Variants in PLEKHA1 observed in about 807,000 individuals in gnomAD.
PLEKHA1 encodes pleckstrin homology domain-containing family A member 1.
PLEKHA1 carries 34 observed loss-of-function variants against 52.0 expected under a neutral mutation model. The observed-to-expected ratio is 0.65, with a 90% CI of 0.50 to 0.87. PLEKHA1 has a LOEUF of 0.87. PLEKHA1 is among the 40% of genes least tolerant of loss of function. The pLI is 0.00. For missense variants in PLEKHA1, 497 were observed against 504.2 expected (o/e 0.99, Z 0.14); for synonymous variants, 163 against 170.7 (o/e 0.95, Z 0.35).
chr10:122,420,988 A>G (rs1374541440), intron 8 of PLEKHA1: 3 of 152,238 alleles, frequency 2.0e-5, no homozygotes, highest in African/African-American at 4.8e-5. Flanking sequence ...TGTCAGAGAA[A>G]CAATACTTTT....
chr10:122,385,853 G>C lies in PLEKHA1; in HGVS notation c.-20-7328G>C, dbSNP rs528315997. Among the ~76,000 whole-genome samples, 46 of 152,258 alleles carry C rather than the reference G, an allele frequency of 3.0e-4. No homozygotes were observed. The Middle Eastern group carries it at 0.01, about 34-fold the overall frequency. On this transcript the variant is annotated intron_variant, in intron 1 of 11. Coordinates refer to ENST00000368990, the MANE Select transcript of PLEKHA1 (RefSeq NM_001001974.4). ...TGCCAAGTAATATTTTATTGTATTG[G>C]ATGCACCACATTTTGTTTATTCGTA...
intron 1 of PLEKHA1, among the ~76,000 whole-genome samples, chr10:122,391,989 T>G (rs770761549): frequency 6.6e-6 from 1 of 152,190 alleles, no homozygotes; most frequent in African/African-American, 2.4e-5. Flanking sequence ...TAAATAGTTA[T>G]GTAAATTCAT....
chr10:122,375,116 C>T (rs1456420851), intron 1 of PLEKHA1, among the ~76,000 whole-genome samples: 1 of 151,606 alleles, frequency 6.6e-6, no homozygotes, highest in Non-Finnish European at 1.5e-5. Flanking sequence ...CGACGTCAGC[C>T]CTCAGCGGCG....
intron 4 of PLEKHA1, among the ~76,000 whole-genome samples, chr10:122,403,969 G>A (rs2096968324): frequency 1.3e-5 from 2 of 152,192 alleles, no homozygotes; most frequent in Admixed American, 1.3e-4. Flanking sequence ...TGGGATTACA[G>A]GCGTGAGCCA....
intron 5 of PLEKHA1, among the ~76,000 whole-genome samples, chr10:122,409,750 G>C (rs1288771871): frequency 1.3e-5 from 2 of 151,486 alleles, no homozygotes; most frequent in African/African-American, 2.4e-5. Flanking sequence ...TCAGTGAATT[G>C]AACATTATGA....
At chr10:122,389,025 ACTT>A (rs1292283797) in intron 1 of PLEKHA1, among the ~76,000 whole-genome samples, 1 of 152,156 alleles carries the variant, frequency 6.6e-6, no homozygotes, top group Non-Finnish European at 1.5e-5. Context: ...GTTGGAATCA[ACTT>A]CTTTCAAAAC....
At chr10:122,409,299 G>T (rs2134581523) in intron 5 of PLEKHA1, among the ~76,000 whole-genome samples, 1 of 152,260 alleles carries the variant, frequency 6.6e-6, no homozygotes, top group East Asian at 1.9e-4. Flanking sequence ...GTAAGTCCTG[G>T]ACCATCTGTA....
chr10:122,434,439 C>T (rs994919471), downstream of PLEKHA1: 4 of 151,974 alleles, frequency 2.6e-5, no homozygotes, highest in Admixed American at 1.3e-4. Context: ...CTAGTTCTGC[C>T]GTATGTGACT....
intron 2 of PLEKHA1, among the ~76,000 whole-genome samples, chr10:122,395,301 A>AT (rs1246634097): frequency 1.3e-5 from 2 of 152,024 alleles, no homozygotes; most frequent in Non-Finnish European, 2.9e-5. Context: ...GAATTTAAAT[A>AT]TTTTTTAGTT....
At chr10:122,396,775 ATCT>A (rs1454333051) in intron 2 of PLEKHA1, among the ~76,000 whole-genome samples, 1 of 152,112 alleles carries the variant, frequency 6.6e-6, no homozygotes, top group African/African-American at 2.4e-5. Context: ...TACTTCTGAA[ATCT>A]TCTATCAGTC....
chr10:122,435,239 A>G (rs941959841), downstream of PLEKHA1: 1 of 152,210 alleles, frequency 6.6e-6, no homozygotes. Flanking sequence ...AGTTTAGTCC[A>G]TATAGGATTT....
chr10:122,383,080 A>G (rs1369076174), intron 1 of PLEKHA1, among the ~76,000 whole-genome samples: 1 of 152,168 alleles, frequency 6.6e-6, no homozygotes, highest in Non-Finnish European at 1.5e-5. Context: ...TAGATGAGAA[A>G]TGGTATATCT....
chr10:122,399,170 T>C (rs1456010723), intron 3 of PLEKHA1, among the ~76,000 whole-genome samples: 1 of 152,198 alleles, frequency 6.6e-6, no homozygotes, highest in Non-Finnish European at 1.5e-5. Flanking sequence ...AAAAAAAATT[T>C]ATTGTTCCAA....
At chr10:122,395,907 A>G (rs1203486125) in intron 2 of PLEKHA1, among the ~76,000 whole-genome samples, 1 of 152,046 alleles carries the variant, frequency 6.6e-6, no homozygotes, top group Non-Finnish European at 1.5e-5. Context: ...TATTTGGCAA[A>G]ATGAGTTTAG....
intron 1 of PLEKHA1, among the ~76,000 whole-genome samples, chr10:122,389,722 T>C (rs1299508015): frequency 1.3e-5 from 2 of 152,148 alleles, no homozygotes; most frequent in Non-Finnish European, 2.9e-5. Flanking sequence ...AAAATTTTTT[T>C]TTCAGTAAAA....
At chr10:122,384,066 T>G (rs2096653549) in intron 1 of PLEKHA1, among the ~76,000 whole-genome samples, 2 of 152,232 alleles carry the variant, frequency 1.3e-5, no homozygotes, top group East Asian at 3.8e-4. Context: ...GGTTTTTTTG[T>G]ATTTGTCCTG....
chr10:122,381,902 A>G (rs1299204163), intron 1 of PLEKHA1, among the ~76,000 whole-genome samples: 1 of 152,138 alleles, frequency 6.6e-6, no homozygotes, highest in Non-Finnish European at 1.5e-5. Flanking sequence ...ATGGGTCTGG[A>G]GGTCAACAGT....
intron 2 of PLEKHA1, among the ~76,000 whole-genome samples, chr10:122,396,030 C>T (rs183670720): frequency 3.3e-5 from 5 of 152,020 alleles, no homozygotes; most frequent in Admixed American, 2.0e-4. Context: ...TTTTTCCAGT[C>T]GAACCTGATG....
chr10:122,413,942 G>A (rs1372840680), intron 6 of PLEKHA1, among the ~76,000 whole-genome samples: 1 of 151,952 alleles, frequency 6.6e-6, no homozygotes, highest in African/African-American at 2.4e-5. Context: ...CTTTTGCTAC[G>A]GGAGGGTGAT....
Sources: allele counts gnomAD v4.1 joint callset (sites outside exome capture counted in the v4.1 genomes callset), GRCh38; gene constraint gnomAD v4.1.1; transcripts MANE v1.5; gene names NCBI Gene and HGNC (gene_info 2026-07-23, HGNC 2026-07-21).